NR1D2: variants seen among roughly 807,000 people sequenced by gnomAD.
NR1D2 encodes nuclear receptor subfamily 1 group D member 2, also known as V-erbA-related protein 1-related.
Under a neutral mutation model 52.2 loss-of-function variants are expected in NR1D2, and 25 were observed. The ratio of observed to expected loss-of-function variants is 0.48; its 90% CI spans 0.35 to 0.67. The LOEUF is 0.67. NR1D2 is among the 30% of genes least tolerant of loss of function. NR1D2 has a pLI of 0.01. For missense variants in NR1D2, 681 were observed against 707.2 expected (o/e 0.96, Z 0.42); for synonymous variants, 259 against 230.1 (o/e 1.13, Z -1.14).
chr3:23,960,399 T>C (rs1706204516), intron 4 of NR1D2, among the ~76,000 whole-genome samples: 1 of 152,178 alleles, frequency 6.6e-6, no homozygotes, highest in South Asian at 2.1e-4. Context: ...GGTGACACTC[T>C]GTCTCAATGT....
Position 23,952,615 on chromosome 3 carries a change from A to G in NR1D2, c.17-1922A>G, listed in dbSNP as rs1425758137. ...GTGGCGGGCGCCTGTATTCCCAGCT[A>G]TTCAGGAGGCTGAAGGAGGAGAATC... On this transcript the variant is annotated intron_variant, in intron 1 of 7. Transcript: ENST00000312521. 4.0e-5 allele frequency among the ~76,000 whole-genome samples: 6 copies of G among 151,826 alleles called. No homozygotes were observed. In the East Asian group the frequency reaches 1.2e-3, roughly 29 times the overall value.
rs751939650 is a variant in NR1D2, at chr3:23,962,233, C to T, written c.774C>T (p.Thr258=). The change falls in exon 5 of 8, where the codon ACC becomes ACT. Residue 258 remains threonine (T), a synonymous_variant. Transcript: ENST00000312521. ...FAKEEVIGMV[T]RAHKDTFMYN... Reference sequence around the variant, plus strand: ...AGGAAGAAGTGATTGGCATGGTGACCAGAGCTCACAAGGATACCTTTATGT... The same window carrying T: ...AGGAAGAAGTGATTGGCATGGTGACTAGAGCTCACAAGGATACCTTTATGT... The T allele has an allele frequency of 6.2e-7, 1 of 1,614,106 alleles. No individual in the cohort carries two copies. The highest frequency in any genetic ancestry group is 1.1e-5 in the South Asian group (1 of 91,076).
chr3:23,952,384 T>G (rs899748285), intron 1 of NR1D2, among the ~76,000 whole-genome samples: 68 of 152,150 alleles, frequency 4.5e-4, no homozygotes, highest in African/African-American at 1.6e-3. Context: ...GTCTTAAAAA[T>G]CAAGTGCATA....
chr3:23,948,977 A>G (rs942070629), intron 1 of NR1D2, among the ~76,000 whole-genome samples: 1 of 152,168 alleles, frequency 6.6e-6, no homozygotes, highest in Non-Finnish European at 1.5e-5. Flanking sequence ...TCCTCTCTTT[A>G]GTCATGCTGG....
chr3:23,957,779 A>G (rs1366998177), intron 3 of NR1D2, among the ~76,000 whole-genome samples: 2 of 152,136 alleles, frequency 1.3e-5, no homozygotes, highest in Non-Finnish European at 2.9e-5. Context: ...CTTTATAGCT[A>G]GAAAATAAAA....
intron 5 of NR1D2, among the ~76,000 whole-genome samples, chr3:23,963,803 G>A (rs544648393): frequency 3.3e-5 from 5 of 151,950 alleles, no homozygotes; most frequent in Admixed American, 6.6e-5. Context: ...CTGATTTCAT[G>A]ATATTCTCTA....
At position 23,951,703 on chromosome 3, in the gene NR1D2, A is replaced by C. The variant is rs556167415; in HGVS notation, c.17-2834A>C. 6.6e-5 allele frequency among the ~76,000 whole-genome samples: 10 copies of C among 152,312 alleles called. No homozygotes were observed. The South Asian group carries it at 1.9e-3, about 28-fold the overall frequency. On this transcript the variant is annotated intron_variant, in intron 1 of 7. Transcript: ENST00000312521. The stretch of plus-strand genomic sequence containing the variant: ...TATGGGCCAATTTGTGTTTGAATTC[A>C]CTGATTGTAGCCATTTTGAAACTTC...
rs376305496 is a variant in NR1D2 at position 23,961,515 on chromosome 3, T to C, written c.518-462T>C. On this transcript the variant is annotated intron_variant, in intron 4 of 7. Transcript: ENST00000312521. Reference sequence around the variant, plus strand: ...GGTTCAAGCGATTCTCCTGCCTCAGTCTCCAGAATAGCTGGGACTACAGGC... The same window carrying C: ...GGTTCAAGCGATTCTCCTGCCTCAGCCTCCAGAATAGCTGGGACTACAGGC... 1.0e-4 allele frequency among the ~76,000 whole-genome samples: 15 copies of C among 150,222 alleles called. No individual in the cohort carries two copies. The East Asian group carries it at 2.0e-3, about 20-fold the overall frequency.
intron 7 of NR1D2, among the ~76,000 whole-genome samples, chr3:23,969,732 A>T (rs1244986734): frequency 6.6e-6 from 1 of 152,270 alleles, no homozygotes; most frequent in Non-Finnish European, 1.5e-5. Flanking sequence ...ATGAAACTAC[A>T]CAAAGAGCTT....
Position 23,954,754 on chromosome 3 carries a change from A to G in NR1D2, c.234A>G (p.Thr78=). 1 of 1,614,236 alleles carries G rather than the reference A, an allele frequency of 6.2e-7. No homozygotes were observed. The highest frequency in any genetic ancestry group is 2.2e-5 in the East Asian group (1 of 44,880). Residue 78 remains threonine, a synonymous_variant, in exon 2 of 8, where the codon ACA becomes ACG. Transcript: ENST00000312521. Reference sequence around the variant, plus strand: ...ATCGAATAGATTGTTCTATGAAAACAAGCAAATCGAGTGCACCTGGGATGA... The same window carrying G: ...ATCGAATAGATTGTTCTATGAAAACGAGCAAATCGAGTGCACCTGGGATGA... The part of the protein sequence containing the change: ...KNDRIDCSMK[T]SKSSAPGMTK...
At chr3:23,973,564 G>A (rs1346877408) in intron 7 of NR1D2, among the ~76,000 whole-genome samples, 1 of 152,332 alleles carries the variant, frequency 6.6e-6, no homozygotes, top group East Asian at 1.9e-4. Flanking sequence ...GGGTGAATGA[G>A]TGAGTGCATC....
intron 1 of NR1D2, among the ~76,000 whole-genome samples, chr3:23,953,665 G>C (rs753580780): frequency 6.6e-6 from 1 of 152,134 alleles, no homozygotes; most frequent in African/African-American, 2.4e-5. Flanking sequence ...AAACAGAAAG[G>C]TGTGGGAGCA....
At chr3:23,965,210 T>C in intron 6 of NR1D2, 48 bp downstream of exon 6, 1 of 1,294,496 alleles carries the variant, frequency 7.7e-7, no homozygotes, top group Non-Finnish European at 1.1e-6. Flanking sequence ...GCATGTAGTA[T>C]TTTATTTTCA....
intron 7 of NR1D2, among the ~76,000 whole-genome samples, chr3:23,969,826 G>A (rs1258815807): frequency 6.6e-6 from 1 of 152,148 alleles, no homozygotes; most frequent in African/African-American, 2.4e-5. Context: ...AAGGCTCTGT[G>A]GGGAAAGATA....
Position 23,954,744 on chromosome 3 carries a change from C to G in NR1D2, c.224C>G (p.Ser75Cys), listed in dbSNP as rs769541377. The G allele has an allele frequency of 3.1e-6, 5 of 1,613,906 alleles. No individual in the cohort carries two copies. The highest frequency in any genetic ancestry group is 3.3e-5 in the Admixed American group (2 of 60,000). ...TTGAAGAATGATCGAATAGATTGTT[C>G]TATGAAAACAAGCAAATCGAGTGCA... The part of the protein sequence containing the change: ...GILKNDRIDC[S>C]MKTSKSSAPG... Residue 75 changes from serine (S) to cysteine (C), a missense_variant, in exon 2 of 8, where the codon TCT becomes TGT. Transcript: ENST00000312521.
At chr3:23,961,389 C>CTTTTTTTTT (rs869108010) in intron 4 of NR1D2, among the ~76,000 whole-genome samples, 25 of 75,966 alleles carry the variant, frequency 3.3e-4, no homozygotes, top group African/African-American at 5.4e-4. Context: ...CTTTTTCTTT[C>CTTTTTTTTT]TTTTTTTTTT....
intron 1 of NR1D2, among the ~76,000 whole-genome samples, chr3:23,951,769 C>T (rs1202004507): frequency 1.3e-5 from 2 of 151,700 alleles, no homozygotes. Flanking sequence ...TAAAATTGCA[C>T]ATTCCTGAGG....
intron 1 of NR1D2, among the ~76,000 whole-genome samples, chr3:23,951,422 TGAG>T (rs1705929375): frequency 6.6e-6 from 1 of 152,224 alleles, no homozygotes; most frequent in South Asian, 2.1e-4. Flanking sequence ...GGAATTTCAT[TGAG>T]GACTAAGAAT....
At chr3:23,977,169 A>T in intron 7 of NR1D2, 54 bp from the exon 8 acceptor site, 1 of 972,432 alleles carries the variant, frequency 1.0e-6, no homozygotes, top group Non-Finnish European at 1.4e-6. Flanking sequence ...ATTTATATTT[A>T]ATGTTAATAA....
Sources: gnomAD v4.1 joint callset for allele counts (sites outside exome capture counted in the v4.1 genomes callset) on GRCh38, gnomAD v4.1.1 for gene constraint, MANE v1.5 for transcripts, NCBI Gene and HGNC (gene_info 2026-07-23, HGNC 2026-07-21) for gene names.